Variants in TUSC3 observed in about 807,000 individuals in gnomAD.
TUSC3 encodes the protein dolichyl-diphosphooligosaccharide--protein glycosyltransferase subunit TUSC3.
Under a neutral mutation model 44.8 loss-of-function variants are expected in TUSC3, and 45 were observed. That is an observed-to-expected ratio of 1.00 (90% confidence interval 0.79 to 1.29). The LOEUF is 1.29. Among genes scored for constraint, TUSC3 ranks in the 50% most tolerant of loss-of-function variants. The pLI is 0.00. For synonymous variants in TUSC3, 212 were observed against 152.9 expected, an observed-to-expected ratio of 1.39 and a Z score of -2.85; for missense variants, 519 against 437.9, an observed-to-expected ratio of 1.19 and a Z score of -1.65.
the TUSC3 span, among the ~76,000 whole-genome samples, chr8:15,850,891 G>A: frequency 1.3e-5 from 2 of 152,150 alleles, no homozygotes; most frequent in African/African-American, 4.8e-5. Context: ...TCGAATTCCT[G>A]TTCTCTGTGT....
chr8:15,754,448 C>T (rs868065524), intron 9 of TUSC3, among the ~76,000 whole-genome samples: 14 of 152,146 alleles, frequency 9.2e-5, no homozygotes, highest in Admixed American at 9.2e-4. Context: ...ACTGCTAGTA[C>T]AGACACACAT....
At position 15,743,362 on chromosome 8, in the gene TUSC3, T is replaced by G; in HGVS notation, c.863-176T>G. On this transcript the variant is annotated intron_variant, in intron 7 of 10. Coordinates refer to ENST00000503731, the MANE Select transcript of TUSC3 (RefSeq NM_006765.4). ...AGTTTCAGGTTATAAATTTTTAAAG[T>G]TAAGGCATATTTGCTCACAAAGAAT... The G allele has an allele frequency of 1.1e-5, 7 of 648,254 alleles. No individual in the cohort carries two copies. In the South Asian group the frequency reaches 1.3e-4, roughly 12 times the overall value. The allele number at this position is 648,254 out of a possible 1,614,324, so 40.2% of individuals were successfully genotyped here.
intron 6 of TUSC3, among the ~76,000 whole-genome samples, chr8:15,679,937 G>T (rs1332754598): frequency 1.3e-5 from 2 of 151,988 alleles, no homozygotes; most frequent in Non-Finnish European, 2.9e-5. Flanking sequence ...GTGTTCCATT[G>T]GTCTGCATGT....
intron 1 of TUSC3, among the ~76,000 whole-genome samples, chr8:15,459,359 G>C (rs546548788): frequency 2.0e-5 from 3 of 152,068 alleles, no homozygotes; most frequent in Non-Finnish European, 2.9e-5. Flanking sequence ...GCTTAACTGT[G>C]ATTTGAAGAA....
At chr8:15,489,031 G>A (rs1800771868) in intron 2 of TUSC3, among the ~76,000 whole-genome samples, 1 of 152,126 alleles carries the variant, frequency 6.6e-6, no homozygotes, top group African/African-American at 2.4e-5. Flanking sequence ...AATATTTATA[G>A]AGACTTACTC....
At chr8:15,657,779 C>T (rs552264016) in intron 3 of TUSC3, among the ~76,000 whole-genome samples, 2 of 152,134 alleles carry the variant, frequency 1.3e-5, no homozygotes, top group African/African-American at 4.8e-5. Context: ...CCTCTGAGAC[C>T]AGTGTTTGTC....
intron 2 of TUSC3, among the ~76,000 whole-genome samples, chr8:15,533,247 C>G (rs1478150992): frequency 6.6e-6 from 1 of 152,162 alleles, no homozygotes; most frequent in African/African-American, 2.4e-5. Context: ...TCTTTTTCTT[C>G]CCGGTCTTGG....
intron 2 of TUSC3, among the ~76,000 whole-genome samples, chr8:15,512,885 T>TATATATATATATATAC (rs1358169360): frequency 7.0e-6 from 1 of 142,838 alleles, no homozygotes; most frequent in African/African-American, 2.6e-5. Flanking sequence ...TATATATATA[T>TATATATATATATATAC]ACACACAATT....
chr8:15,524,797 A>T (rs1025407275), intron 2 of TUSC3, among the ~76,000 whole-genome samples: 6 of 148,356 alleles, frequency 4.0e-5, no homozygotes, highest in Middle Eastern at 3.2e-3. Context: ...ATAATATGTG[A>T]TATTACAACA....
At chr8:15,684,567 C>T (rs978386698) in intron 6 of TUSC3, among the ~76,000 whole-genome samples, 2 of 152,260 alleles carry the variant, frequency 1.3e-5, no homozygotes, top group Middle Eastern at 3.4e-3. Context: ...CCTTGGGACT[C>T]CCTGGGGAAG....
intron 2 of TUSC3, among the ~76,000 whole-genome samples, chr8:15,643,789 G>T (rs1202471873): frequency 1.3e-5 from 2 of 152,194 alleles, no homozygotes; most frequent in Non-Finnish European, 2.9e-5. Context: ...AACTGTGTTA[G>T]AAGTCTTTGT....
intron 1 of TUSC3, among the ~76,000 whole-genome samples, chr8:15,619,770 A>G (rs1046667674): frequency 2.6e-5 from 4 of 152,274 alleles, no homozygotes; most frequent in Admixed American, 2.6e-4. Context: ...TCGGCCTCCC[A>G]AAGTGCTGGG....
intron 1 of TUSC3, among the ~76,000 whole-genome samples, chr8:15,464,746 A>T (rs1044964153): frequency 6.6e-6 from 1 of 152,238 alleles, no homozygotes; most frequent in Non-Finnish European, 1.5e-5. Context: ...ATTTATTTAC[A>T]GCCAGTGTCT....
At chr8:15,616,846 C>G (rs545324452) in intron 1 of TUSC3, among the ~76,000 whole-genome samples, 9 of 152,220 alleles carry the variant, frequency 5.9e-5, no homozygotes, top group Non-Finnish European at 1.2e-4. Context: ...AAGTCAGAAG[C>G]AGGTCGCCGC....
intron 2 of TUSC3, among the ~76,000 whole-genome samples, chr8:15,504,578 G>GATAGAT (rs1394077770): frequency 1.8e-4 from 6 of 33,462 alleles, no homozygotes; most frequent in Non-Finnish European, 2.2e-4. Context: ...CAACTTTCAG[G>GATAGAT]ATATATATAT....
rs373245626 is a variant in TUSC3, at chr8:15,481,407, C to T, written n.92-1979C>T. 1.4e-4 allele frequency among the ~76,000 whole-genome samples: 21 copies of T among 152,236 alleles called. No homozygotes were observed. The East Asian group carries it at 4.1e-3, about 29-fold the overall frequency. On this transcript the variant is annotated intron_variant and non_coding_transcript_variant, in intron 1 of 5. Coordinates refer to the TUSC3 transcript ENST00000503191. ...CAAGTTCAGACCCCTCTTGTTCCCT[C>T]TTTTGCTCTTTCTTGGCTTTTCCTT... is the stretch of plus-strand genomic sequence containing the variant.
intron 1 of TUSC3, among the ~76,000 whole-genome samples, chr8:15,469,545 G>C (rs1037954551): frequency 6.6e-6 from 1 of 152,154 alleles, no homozygotes; most frequent in Non-Finnish European, 1.5e-5. Context: ...CATTGCTGGT[G>C]GGAATACAAA....
intron 1 of TUSC3, among the ~76,000 whole-genome samples, chr8:15,567,446 T>C (rs1802718893): frequency 1.3e-5 from 2 of 152,180 alleles, no homozygotes; most frequent in South Asian, 4.1e-4. Flanking sequence ...AGTAGGTACT[T>C]ACTTATTTAA....
the TUSC3 span, among the ~76,000 whole-genome samples, chr8:15,847,172 G>T: frequency 6.6e-6 from 1 of 152,210 alleles, no homozygotes; most frequent in Non-Finnish European, 1.5e-5. Context: ...GCAGGGAGAG[G>T]CAGGGGAAGG....
Sources: gnomAD v4.1 joint callset for allele counts (sites outside exome capture counted in the v4.1 genomes callset) on GRCh38, gnomAD v4.1.1 for gene constraint, MANE v1.5 for transcripts, NCBI Gene and HGNC (gene_info 2026-07-23, HGNC 2026-07-21) for gene names.